Variants in ADORA1 observed in about 807,000 individuals in gnomAD.
The protein encoded by ADORA1 is adenosine A1 receptor.
ADORA1 carries 6 observed loss-of-function variants against 19.9 expected under a neutral mutation model. That is an observed-to-expected ratio of 0.30 (90% CI 0.17 to 0.59). The LOEUF is 0.59. ADORA1 is among the 20% of genes least tolerant of loss of function. The pLI is 0.87. For synonymous variants in ADORA1, 194 were observed against 188.4 expected (o/e 1.03, Z -0.24); for missense variants, 302 against 439.2 (o/e 0.69, Z 2.79).
At chr1:203,132,492 A>G (rs1220837928) in intron 3 of ADORA1, among the ~76,000 whole-genome samples, 1 of 152,180 alleles carries the variant, frequency 6.6e-6, no homozygotes, top group Non-Finnish European at 1.5e-5. Context: ...TTAGCTATGC[A>G]ACCTTTGATA....
chr1:203,150,579 C>T (rs985124342), intron 3 of ADORA1: 2 of 1,272,536 alleles, frequency 1.6e-6, no homozygotes, highest in Non-Finnish European at 2.0e-6. Context: ...TGCCTGGTTG[C>T]AAGGTGGGGA....
rs1022435437 is a variant in ADORA1 at position 203,162,036 on chromosome 1, C to T, written c.342-3225C>T. The stretch of plus-strand genomic sequence containing the variant: ...CCTGCTTAGCTCCCAGCACAGCCCT[C>T]GGGGATGCTGTGGACTTGGGAGGGG... On this transcript the variant is annotated intron_variant, in intron 3 of 3. Coordinates refer to ENST00000337894, the MANE Select transcript of ADORA1 (RefSeq NM_000674.3). Among the ~76,000 whole-genome samples, 5 of 152,188 alleles carry T rather than the reference C, an allele frequency of 3.3e-5. No homozygotes were observed. In the East Asian group the frequency reaches 5.8e-4, roughly 18 times the overall value.
chr1:203,145,582 TCTGGCTG>T (rs1654832866), intron 3 of ADORA1, among the ~76,000 whole-genome samples: 1 of 152,098 alleles, frequency 6.6e-6, no homozygotes, highest in Non-Finnish European at 1.5e-5. Flanking sequence ...GGCTTTGGAG[TCTGGCTG>T]GCTGAGCCAG....
chr1:203,141,399 AG>A (rs1453579459), intron 3 of ADORA1, among the ~76,000 whole-genome samples: 2 of 151,906 alleles, frequency 1.3e-5, no homozygotes, highest in Non-Finnish European at 2.9e-5. Context: ...CCTCTGGGAG[AG>A]CAGGGGCTGG....
chr1:203,139,262 T>C (rs920990782), intron 3 of ADORA1, among the ~76,000 whole-genome samples: 1 of 152,186 alleles, frequency 6.6e-6, no homozygotes, highest in African/African-American at 2.4e-5. Flanking sequence ...GGGACATACG[T>C]GGAGAGACAG....
intron 3 of ADORA1, among the ~76,000 whole-genome samples, chr1:203,150,239 T>G (rs1022807745): frequency 2.0e-5 from 3 of 152,160 alleles, no homozygotes; most frequent in Admixed American, 6.5e-5. Flanking sequence ...TCCCACTGCA[T>G]CTGTATGTCT....
At chr1:203,155,985 A>T (rs1242582446) in intron 3 of ADORA1, among the ~76,000 whole-genome samples, 1 of 152,248 alleles carries the variant, frequency 6.6e-6, no homozygotes, top group African/African-American at 2.4e-5. Context: ...GTTCCCTGAG[A>T]TGTACTCACG....
At chr1:203,161,572 A>C in intron 3 of ADORA1, among the ~76,000 whole-genome samples, 1 of 136,678 alleles carries the variant, frequency 7.3e-6, no homozygotes, top group East Asian at 2.1e-4. Flanking sequence ...CCTCAGGGCT[A>C]TTTTTTTTTT....
intron 3 of ADORA1, among the ~76,000 whole-genome samples, chr1:203,132,312 G>A (rs986976816): frequency 6.6e-6 from 1 of 152,080 alleles, no homozygotes; most frequent in African/African-American, 2.4e-5. Context: ...TACTCCCGAG[G>A]GCTAGTTGTA....
Position 203,128,856 on chromosome 1 carries a change from C to T in ADORA1, c.15C>T (p.Ile5=). The change falls in exon 3 of 4, where the codon ATC becomes ATT. Residue 5 remains isoleucine, a synonymous_variant. Coordinates refer to ENST00000337894, the MANE Select transcript of ADORA1 (RefSeq NM_000674.3). This position sits in a 1 kb window ranked among gnomAD's most constrained non-coding sequence, Gnocchi z 5.9. Reference sequence around the variant, plus strand: ...CTGTGCCCGCCATGCCGCCCTCCATCTCAGCTTTCCAGGCCGCCTACATCG... The same window carrying T: ...CTGTGCCCGCCATGCCGCCCTCCATTTCAGCTTTCCAGGCCGCCTACATCG... MPPS[I]SAFQAAYIGI... The T allele has an allele frequency of 5.0e-6, 8 of 1,601,360 alleles. No individual in the cohort carries two copies. The highest frequency in any genetic ancestry group is 6.8e-6 in the Non-Finnish European group (8 of 1,175,448).
chr1:203,139,393 T>A (rs913448417), intron 3 of ADORA1, among the ~76,000 whole-genome samples: 2 of 152,072 alleles, frequency 1.3e-5, no homozygotes, highest in Admixed American at 6.5e-5. Flanking sequence ...GGAAGCAAGG[T>A]CACCAGCTGA....
intron 3 of ADORA1, among the ~76,000 whole-genome samples, chr1:203,130,888 A>T (rs1404256901): frequency 6.6e-6 from 1 of 152,060 alleles, no homozygotes; most frequent in African/African-American, 2.4e-5. Context: ...GGTCCTGGGG[A>T]GCTGTCCTTT....
intron 3 of ADORA1, among the ~76,000 whole-genome samples, chr1:203,135,041 C>T (rs746608804): frequency 3.9e-5 from 6 of 152,178 alleles, no homozygotes; most frequent in Non-Finnish European, 7.4e-5. Flanking sequence ...GACCAGTTTC[C>T]TCTGGTAGAC....
intron 3 of ADORA1, among the ~76,000 whole-genome samples, chr1:203,151,776 TCATG>T (rs755566413): frequency 1.9e-4 from 22 of 118,190 alleles, no homozygotes; most frequent in African/African-American, 5.3e-4. Flanking sequence ...ACAGCACACT[TCATG>T]CATGCATGCA....
intron 3 of ADORA1, among the ~76,000 whole-genome samples, chr1:203,159,050 G>C (rs1453229633): frequency 2.0e-5 from 3 of 152,150 alleles, no homozygotes; most frequent in African/African-American, 7.2e-5. Flanking sequence ...AGCTTTGGGG[G>C]ACACATTCAA....
At chr1:203,132,929 G>T (rs1331027012) in intron 3 of ADORA1, among the ~76,000 whole-genome samples, 1 of 152,098 alleles carries the variant, frequency 6.6e-6, no homozygotes, top group Admixed American at 6.6e-5. Flanking sequence ...TAATTCTGTG[G>T]TTCTTCCTTA....
chr1:203,162,426 C>T (rs1469899566), intron 3 of ADORA1, among the ~76,000 whole-genome samples: 1 of 152,036 alleles, frequency 6.6e-6, no homozygotes, highest in Non-Finnish European at 1.5e-5. Context: ...GAAGTCTCCT[C>T]CCTCTCTCCT....
intron 3 of ADORA1, among the ~76,000 whole-genome samples, chr1:203,160,936 C>T (rs1409328711): frequency 2.6e-5 from 4 of 152,174 alleles, no homozygotes; most frequent in East Asian, 1.9e-4. Flanking sequence ...TCACTTAGCC[C>T]CCAGAATCTC....
Position 203,165,772 on chromosome 1 carries a change from C to T in ADORA1, c.853C>T (p.Pro285Ser). The change falls in exon 4 of 4, where the codon CCC (proline) becomes TCC (serine). Residue 285 changes from proline (P) to serine (S), a missense_variant. Pro to Ser is a moderately conservative substitution (Grantham distance 74, BLOSUM62 -1). Transcript: ENST00000337894. The surrounding 1 kb of genome is among the most constrained non-coding windows in gnomAD (Gnocchi z 5.9). ...CACGCACGGCAACTCGGCCATGAAC[C>T]CCATTGTCTATGCCTTCCGCATCCA... ...FLTHGNSAMN[P>S]IVYAFRIQKF... 2 of 1,614,032 alleles carry T rather than the reference C, an allele frequency of 1.2e-6. No homozygotes were observed. The highest frequency in any genetic ancestry group is 1.7e-6 in the Non-Finnish European group (2 of 1,179,928).
Sources: gnomAD v4.1 joint callset for allele counts (sites outside exome capture counted in the v4.1 genomes callset) on GRCh38, gnomAD v4.1.1 for gene constraint, Gnocchi (gnomAD v3.1) non-coding constraint, MANE v1.5 for transcripts, NCBI Gene and HGNC (gene_info 2026-07-23, HGNC 2026-07-21) for gene names.